The following CFAP299 variants were observed in gnomAD, a reference collection of about 807,000 sequenced individuals.
CFAP299 encodes cilia and flagella associated protein 299, also known as cilia- and flagella-associated protein 299.
CFAP299 carries 21 observed loss-of-function variants against 27.0 expected under a neutral mutation model. The ratio of observed to expected loss-of-function variants is 0.78; its 90% CI spans 0.55 to 1.12. The LOEUF is 1.12. Ranked by LOEUF, CFAP299 falls within the 50% of genes most tolerant of loss-of-function variation. The pLI is 0.00. For missense variants in CFAP299, 310 were observed against 276.6 expected (o/e 1.12, Z -0.86); for synonymous variants, 104 against 98.1 (o/e 1.06, Z -0.36).
At chr4:80,850,696 A>G (rs934872077) in intron 3 of CFAP299, among the ~76,000 whole-genome samples, 3 of 152,088 alleles carry the variant, frequency 2.0e-5, no homozygotes, top group African/African-American at 4.8e-5. Flanking sequence ...TAGCTAATAA[A>G]AACAGGAGAA....
intron 3 of CFAP299, among the ~76,000 whole-genome samples, chr4:80,768,214 A>G (rs1726005776): frequency 6.6e-6 from 1 of 152,226 alleles, no homozygotes; most frequent in Non-Finnish European, 1.5e-5. Flanking sequence ...GCTTTTGCAA[A>G]GCACATAGGA....
intron 2 of CFAP299, among the ~76,000 whole-genome samples, chr4:80,564,846 A>G (rs769673752): frequency 2.0e-5 from 3 of 152,038 alleles, no homozygotes; most frequent in Non-Finnish European, 4.4e-5. Context: ...AAAGTCAGCA[A>G]CCTTCCTATA....
intron 3 of CFAP299, among the ~76,000 whole-genome samples, chr4:80,787,473 C>G (rs532138111): frequency 6.6e-6 from 1 of 151,814 alleles, no homozygotes; most frequent in African/African-American, 2.4e-5. Context: ...TTCTAAGAAG[C>G]AACTGAGTCA....
intron 2 of CFAP299, chr4:80,387,909 A>G: frequency 2.2e-6 from 2 of 894,842 alleles, no homozygotes; most frequent in Non-Finnish European, 3.7e-6. Context: ...CCCCGGTGGC[A>G]CTGGTCATGG....
At chr4:80,683,777 A>G (rs1486366976) in intron 3 of CFAP299, among the ~76,000 whole-genome samples, 1 of 152,190 alleles carries the variant, frequency 6.6e-6, no homozygotes, top group Non-Finnish European at 1.5e-5. Flanking sequence ...GAGATATAAC[A>G]ACGTTTATGA....
intron 2 of CFAP299, among the ~76,000 whole-genome samples, chr4:80,395,523 T>C (rs1485667773): frequency 6.6e-6 from 1 of 152,144 alleles, no homozygotes; most frequent in East Asian, 1.9e-4. Flanking sequence ...GTGATGTAGC[T>C]GTATTTGAGG....
chr4:80,808,012 A>T (rs1433216894), intron 3 of CFAP299, among the ~76,000 whole-genome samples: 1 of 149,718 alleles, frequency 6.7e-6, no homozygotes, highest in Non-Finnish European at 1.5e-5. Flanking sequence ...AGCAATTTAA[A>T]CACTATTAGT....
At position 80,643,948 on chromosome 4, in the gene CFAP299, A is replaced by T. The variant is rs533037530; in HGVS notation, c.333+60765A>T. ...TACAGGATGCTTTAGTATTTATATG[A>T]GATATTGATTTCTACATTATGTGAA... On this transcript the variant is annotated intron_variant, in intron 3 of 5. Coordinates refer to ENST00000358105, the MANE Select transcript of CFAP299 (RefSeq NM_152770.3). Among the ~76,000 whole-genome samples, 188 of 152,290 alleles carry T rather than the reference A, an allele frequency of 1.2e-3. 4 individuals are homozygous for T. In the South Asian group the frequency reaches 0.026, roughly 21 times the overall value.
At chr4:80,760,995 A>G (rs1725515631) in intron 3 of CFAP299, among the ~76,000 whole-genome samples, 1 of 152,206 alleles carries the variant, frequency 6.6e-6, no homozygotes, top group Non-Finnish European at 1.5e-5. Flanking sequence ...CCCAGGAGTA[A>G]TAGGTAATCA....
At chr4:80,881,310 G>A (rs1271313962) in intron 4 of CFAP299, among the ~76,000 whole-genome samples, 1 of 152,202 alleles carries the variant, frequency 6.6e-6, no homozygotes, top group Non-Finnish European at 1.5e-5. Context: ...AAGAAGTGAA[G>A]GGGCCTTATC....
intron 2 of CFAP299, among the ~76,000 whole-genome samples, chr4:80,466,706 T>C (rs1729720798): frequency 6.6e-6 from 1 of 152,174 alleles, no homozygotes; most frequent in Non-Finnish European, 1.5e-5. Context: ...CATCCCTCAG[T>C]CCCTGAATCC....
chr4:80,529,510 T>C (rs1733360467), intron 2 of CFAP299, among the ~76,000 whole-genome samples: 1 of 152,198 alleles, frequency 6.6e-6, no homozygotes, highest in Non-Finnish European at 1.5e-5. Context: ...AGCTCATTTA[T>C]GGTAAAGTTA....
chr4:80,754,354 C>T (rs1257271757), intron 3 of CFAP299, among the ~76,000 whole-genome samples: 3 of 151,984 alleles, frequency 2.0e-5, no homozygotes, highest in Admixed American at 6.6e-5. Flanking sequence ...GTTCCTCTAC[C>T]GAGAGTAAGA....
chr4:80,628,520 AAAC>A (rs1416412506), intron 3 of CFAP299, among the ~76,000 whole-genome samples: 1 of 152,164 alleles, frequency 6.6e-6, no homozygotes, highest in Non-Finnish European at 1.5e-5. Flanking sequence ...GCAGCAAAGA[AAAC>A]AACCAACAGA....
chr4:80,326,816 G>A, the CFAP299 span, among the ~76,000 whole-genome samples: 64 of 151,984 alleles, frequency 4.2e-4, no homozygotes, highest in Non-Finnish European at 6.3e-4. Flanking sequence ...ATAAAACTTC[G>A]TTGTTTATAA....
chr4:80,866,098 T>TATGTATATATA (rs1732730238), intron 3 of CFAP299, among the ~76,000 whole-genome samples: 1 of 124,432 alleles, frequency 8.0e-6, no homozygotes, highest in African/African-American at 2.8e-5. Context: ...TATATATATC[T>TATGTATATATA]TCCCAAATCT....
intron 3 of CFAP299, among the ~76,000 whole-genome samples, chr4:80,686,454 T>G (rs765255004): frequency 4.6e-5 from 7 of 152,230 alleles, no homozygotes; most frequent in Non-Finnish European, 1.0e-4. Context: ...TCATATGTGT[T>G]GCAAGTGTTA....
At chr4:80,558,362 G>GTTT (rs1351346440) in intron 2 of CFAP299, among the ~76,000 whole-genome samples, 71 of 125,358 alleles carry the variant, frequency 5.7e-4, no homozygotes, top group African/African-American at 2.1e-3. Context: ...TTGTTTGTTT[G>GTTT]TTTGTTTTTT....
chr4:80,921,347 A>G (rs1209341625), intron 4 of CFAP299, among the ~76,000 whole-genome samples: 3 of 152,200 alleles, frequency 2.0e-5, no homozygotes, highest in Non-Finnish European at 2.9e-5. Flanking sequence ...TCAAGTACAG[A>G]GGAGAACATA....
Sources: allele counts gnomAD v4.1 joint callset (sites outside exome capture counted in the v4.1 genomes callset), GRCh38; gene constraint gnomAD v4.1.1; transcripts MANE v1.5; gene names NCBI Gene and HGNC (gene_info 2026-07-23, HGNC 2026-07-21).